The following RGS9 variants were observed in gnomAD, a reference collection of about 807,000 sequenced individuals.
The protein encoded by RGS9 is regulator of G-protein signalling 9.
Under a neutral mutation model 102.0 loss-of-function variants are expected in RGS9, and 78 were observed. That is an observed-to-expected ratio of 0.76 (90% confidence interval 0.64 to 0.92). The LOEUF (loss-of-function observed/expected upper bound fraction) is 0.92. Ranked by LOEUF, RGS9 falls within the 40% of genes least tolerant of loss-of-function variation. RGS9 has a pLI of 0.00. For missense variants in RGS9, 833 were observed against 866.1 expected (o/e 0.96, Z 0.48); for synonymous variants, 353 against 318.6 (o/e 1.11, Z -1.15).
At chr17:65,185,424 C>G (rs1912071827) in intron 9 of RGS9, 1 of 152,720 alleles carries the variant, frequency 6.5e-6, no homozygotes, top group African/African-American at 2.4e-5. Flanking sequence ...TTGTGAGCGT[C>G]TAAGAGTTGA....
At chr17:65,149,959 G>A (rs1051536591) in intron 1 of RGS9, among the ~76,000 whole-genome samples, 3 of 152,196 alleles carry the variant, frequency 2.0e-5, no homozygotes, top group South Asian at 4.1e-4. Flanking sequence ...AAAGGATTTT[G>A]TAAATTGTAA....
At chr17:65,205,622 AATGTGATATAGGCTATCTGATATAGGTT>A (rs1343945965) in intron 15 of RGS9, among the ~76,000 whole-genome samples, 1 of 151,768 alleles carries the variant, frequency 6.6e-6, no homozygotes, top group Non-Finnish European at 1.5e-5. Context: ...TATAGGTTAT[AATGTGATATAGGCTATCTGATATAGGTT>A]ATGTGATATA....
At chr17:65,143,511 G>T (rs780383371) in intron 1 of RGS9, among the ~76,000 whole-genome samples, 53 of 152,094 alleles carry the variant, frequency 3.5e-4, no homozygotes, top group Non-Finnish European at 6.8e-4. Flanking sequence ...GGCCAGGAGT[G>T]GTGGCTCACG....
chr17:65,160,714 C>A, intron 5 of RGS9, 127 bp downstream of exon 5: 1 of 1,381,450 alleles, frequency 7.2e-7, no homozygotes, highest in Non-Finnish European at 1.0e-6. Context: ...CTGTACTGGG[C>A]ATGTCCCCAG....
At chr17:65,202,814 TC>T (rs1912909184) in intron 14 of RGS9, among the ~76,000 whole-genome samples, 1 of 152,078 alleles carries the variant, frequency 6.6e-6, no homozygotes, top group African/African-American at 2.4e-5. Flanking sequence ...ACACTCCCCC[TC>T]CCCAACACTC....
chr17:65,209,303 T>C (rs1913195351), intron 16 of RGS9, among the ~76,000 whole-genome samples: 1 of 152,224 alleles, frequency 6.6e-6, no homozygotes, highest in African/African-American at 2.4e-5. Flanking sequence ...AGCCTTCCTC[T>C]TGGCAGGGCT....
intron 5 of RGS9, 111 bp from the exon 6 acceptor site, chr17:65,160,740 T>A: frequency 7.2e-7 from 1 of 1,396,044 alleles, no homozygotes; most frequent in Non-Finnish European, 1.0e-6. Flanking sequence ...AGGGGCTGGG[T>A]GTGCTGAGCG....
At chr17:65,141,581 T>G (rs1910159344) in intron 1 of RGS9, among the ~76,000 whole-genome samples, 1 of 152,216 alleles carries the variant, frequency 6.6e-6, no homozygotes, top group African/African-American at 2.4e-5. Context: ...CTAGATGCTG[T>G]GCCAGGTGCT....
intron 16 of RGS9, 68 bp downstream of exon 16, chr17:65,208,075 C>A: frequency 9.5e-7 from 1 of 1,049,868 alleles, no homozygotes; most frequent in Non-Finnish European, 1.5e-6. Context: ...GGGTCTCTTT[C>A]AGCCAAATGG....
In RGS9 at chr17:65,201,975, G is replaced by T; in HGVS notation, c.977-18G>T. ...TTTCCTGCCCGGCCCTCATCCACGT[G>T]GACTTCTCACCATGCAGGAGAGAAT... is the stretch of plus-strand genomic sequence containing the variant. On this transcript the variant is annotated intron_variant, in intron 13 of 18. Transcript: ENST00000262406. The T allele has an allele frequency of 6.4e-7, 1 of 1,562,864 alleles. No homozygotes were observed. Among genetic ancestry groups the T allele is most frequent in the Non-Finnish European group, 8.8e-7 (1 of 1,133,478 alleles).
chr17:65,190,266 A>G (rs375554593), intron 11 of RGS9, 30 bp downstream of exon 11: 5 of 1,562,906 alleles, frequency 3.2e-6, no homozygotes, highest in Non-Finnish European at 4.4e-6. Context: ...ATCTTGCTAA[A>G]GTCTGATGAA....
intron 11 of RGS9, among the ~76,000 whole-genome samples, chr17:65,191,775 T>G (rs533739354): frequency 6.6e-6 from 1 of 152,114 alleles, no homozygotes; most frequent in Non-Finnish European, 1.5e-5. Context: ...AAGGTCTGAT[T>G]GTCGACTAAG....
chr17:65,178,459 C>T (rs1457997408), intron 9 of RGS9, among the ~76,000 whole-genome samples: 3 of 150,484 alleles, frequency 2.0e-5, no homozygotes, highest in Non-Finnish European at 4.4e-5. Context: ...ACATTTTGGG[C>T]CAGATAATTC....
chr17:65,195,443 A>G (rs1036385712), intron 12 of RGS9, among the ~76,000 whole-genome samples: 2 of 152,138 alleles, frequency 1.3e-5, no homozygotes, highest in Non-Finnish European at 2.9e-5. Context: ...ATGTTTATTG[A>G]ACCAAATATA....
At chr17:65,224,430 AGGTGCTG>A (rs1239309993) in intron 17 of RGS9, among the ~76,000 whole-genome samples, 1 of 152,104 alleles carries the variant, frequency 6.6e-6, no homozygotes, top group Non-Finnish European at 1.5e-5. Context: ...AGATCTGGGA[AGGTGCTG>A]GGCCTAGACC....
intron 1 of RGS9, among the ~76,000 whole-genome samples, chr17:65,148,629 C>T (rs975426690): frequency 1.3e-5 from 2 of 152,186 alleles, no homozygotes; most frequent in Non-Finnish European, 2.9e-5. Context: ...GCGGCCTGGT[C>T]CTCACCATCT....
chr17:65,159,935 A>G (rs918965165), intron 3 of RGS9, among the ~76,000 whole-genome samples: 1 of 152,158 alleles, frequency 6.6e-6, no homozygotes, highest in African/African-American at 2.4e-5. Flanking sequence ...TTCCTTAACC[A>G]TCACCCGCTG....
chr17:65,192,303 G>A (rs1257664291), intron 11 of RGS9, among the ~76,000 whole-genome samples: 2 of 152,102 alleles, frequency 1.3e-5, no homozygotes, highest in African/African-American at 2.4e-5. Flanking sequence ...GGGGAGATAG[G>A]GAAGTATTTG....
chr17:65,219,817 G>A (rs1463370673), intron 17 of RGS9, among the ~76,000 whole-genome samples: 1 of 151,530 alleles, frequency 6.6e-6, no homozygotes. Context: ...CACCTTCATC[G>A]CCATCACTAT....
Sources: gnomAD v4.1 joint callset for allele counts (sites outside exome capture counted in the v4.1 genomes callset) on GRCh38, gnomAD v4.1.1 for gene constraint, MANE v1.5 for transcripts, NCBI Gene and HGNC (gene_info 2026-07-23, HGNC 2026-07-21) for gene names.